The following INSC variants were observed in gnomAD, a reference collection of about 807,000 sequenced individuals.
INSC encodes the protein protein inscuteable homolog.
In INSC, 67 loss-of-function variants were observed where a neutral mutation model predicts 58.6. The observed-to-expected ratio is 1.14, with a 90% CI of 0.94 to 1.40. INSC has a LOEUF of 1.40. Ranked by LOEUF, INSC falls within the 40% of genes most tolerant of loss-of-function variation. The probability of loss-of-function intolerance (pLI) is 0.00; values close to 1 mark genes in which losing one functional copy is unlikely to be tolerated. For missense variants in INSC, 714 were observed against 692.0 expected (o/e 1.03, Z -0.36); for synonymous variants, 262 against 276.1 (o/e 0.95, Z 0.51).
At chr11:15,268,833 A>G in the INSC span, among the ~76,000 whole-genome samples, 32 of 152,200 alleles carry the variant, frequency 2.1e-4, no homozygotes, top group African/African-American at 6.7e-4. Context: ...GTGGTCATAA[A>G]GGCTGAAGTT....
chr11:15,215,940 G>A (rs1000707402), intron 7 of INSC, among the ~76,000 whole-genome samples: 2 of 152,114 alleles, frequency 1.3e-5, no homozygotes, highest in African/African-American at 4.8e-5. Flanking sequence ...AGTGAATTGG[G>A]GTTGAGGTGC....
At chr11:15,138,267 G>T (rs1475011140) in intron 1 of INSC, among the ~76,000 whole-genome samples, 1 of 152,194 alleles carries the variant, frequency 6.6e-6, no homozygotes, top group African/African-American at 2.4e-5. Context: ...GAAATATTAT[G>T]AGAAATTACT....
intron 1 of INSC, among the ~76,000 whole-genome samples, chr11:15,116,847 T>TTCTCTC (rs757143718): frequency 1.7e-5 from 1 of 57,816 alleles, no homozygotes; most frequent in Non-Finnish European, 3.1e-5. Flanking sequence ...CTTTCTTTCT[T>TTCTCTC]TCTCTCTCTC....
chr11:15,182,217 C>T (rs1194052611), intron 5 of INSC, among the ~76,000 whole-genome samples: 1 of 152,156 alleles, frequency 6.6e-6, no homozygotes, highest in Non-Finnish European at 1.5e-5. Context: ...GCCTACAGAA[C>T]TCCAGGAACT....
intron 2 of INSC, among the ~76,000 whole-genome samples, chr11:15,153,095 T>C (rs1415916771): frequency 6.6e-6 from 1 of 152,254 alleles, no homozygotes; most frequent in Non-Finnish European, 1.5e-5. Context: ...CTGCCTTGTA[T>C]GGTGCCGTGT....
chr11:15,211,842 G>A (rs1369784928), intron 7 of INSC, among the ~76,000 whole-genome samples: 2 of 151,540 alleles, frequency 1.3e-5, no homozygotes, highest in Admixed American at 6.6e-5. Flanking sequence ...ATACATGCAT[G>A]AGTCTGTTTC....
intron 1 of INSC, among the ~76,000 whole-genome samples, chr11:15,120,567 C>T (rs1847846114): frequency 6.6e-6 from 1 of 152,070 alleles, no homozygotes; most frequent in Non-Finnish European, 1.5e-5. Flanking sequence ...TGTTGCCTAA[C>T]GTGGTAAGTT....
chr11:15,144,402 G>A (rs1848444048), intron 1 of INSC, among the ~76,000 whole-genome samples: 1 of 152,186 alleles, frequency 6.6e-6, no homozygotes, highest in African/African-American at 2.4e-5. Context: ...AGCTCCAAAT[G>A]TAGAGATTCA....
chr11:15,122,845 C>T (rs2097164), intron 1 of INSC, among the ~76,000 whole-genome samples: 21,120 of 152,168 alleles, frequency 0.14, 1,924 homozygotes, highest in East Asian at 0.35. Context: ...GCAGCCAGAG[C>T]GCATTTCAAA....
intron 1 of INSC, among the ~76,000 whole-genome samples, chr11:15,136,196 TTAAG>T (rs1343024985): frequency 6.6e-6 from 1 of 152,210 alleles, no homozygotes; most frequent in Admixed American, 6.5e-5. Flanking sequence ...CTGTAGTATA[TTAAG>T]TGTGAAATAA....
rs185140234 is a variant in INSC at position 15,221,633 on chromosome 11, G to C, written c.976G>C (p.Val326Leu). Residue 326 changes from valine to leucine, a missense_variant, in exon 8 of 13, where the codon GTG (valine) becomes CTG (leucine). Transcript: ENST00000379556. ...SSFLESMEEI[V>L]TALVKLCQEA... ...CTTCCTGGAGAGCATGGAGGAGATCGTGACAGCCCTCGTCAGTGAGTCACC... is the reference window on the plus strand; with the variant it reads ...CTTCCTGGAGAGCATGGAGGAGATCCTGACAGCCCTCGTCAGTGAGTCACC... The C allele has an allele frequency of 1.2e-6, 2 of 1,612,040 alleles. No individual in the cohort carries two copies. Among genetic ancestry groups the C allele is most frequent in the Non-Finnish European group, 1.7e-6 (2 of 1,178,858 alleles).
chr11:15,182,647 G>A (rs898008557), intron 5 of INSC, among the ~76,000 whole-genome samples: 7 of 152,122 alleles, frequency 4.6e-5, no homozygotes, highest in Non-Finnish European at 8.8e-5. Flanking sequence ...TGCCACTCCA[G>A]CATGCATTGA....
At chr11:15,178,228 C>G in intron 4 of INSC, 96 bp from the exon 5 acceptor site, 1 of 1,515,460 alleles carries the variant, frequency 6.6e-7, no homozygotes, top group Non-Finnish European at 8.9e-7. Context: ...TCAGCACACA[C>G]CAGGCTTGTA....
At chr11:15,266,749 AG>A in the INSC span, among the ~76,000 whole-genome samples, 2 of 152,016 alleles carry the variant, frequency 1.3e-5, no homozygotes, top group African/African-American at 4.8e-5. Context: ...CTCTGAAGAA[AG>A]GTATATTTTT....
chr11:15,245,339 G>A (rs900386073), intron 12 of INSC, among the ~76,000 whole-genome samples: 3 of 152,074 alleles, frequency 2.0e-5, no homozygotes, highest in African/African-American at 7.2e-5. Context: ...TAGAGCATTG[G>A]GCTGAAGATT....
intron 9 of INSC, among the ~76,000 whole-genome samples, chr11:15,228,923 G>A (rs1777171871): frequency 3.3e-5 from 5 of 152,186 alleles, no homozygotes; most frequent in Admixed American, 1.3e-4. Flanking sequence ...AAGGTGGCAC[G>A]GGCTGCAGCT....
intron 9 of INSC, among the ~76,000 whole-genome samples, chr11:15,226,549 G>A (rs1367520224): frequency 6.6e-6 from 1 of 152,152 alleles, no homozygotes; most frequent in Non-Finnish European, 1.5e-5. Flanking sequence ...GAGTGGGGGT[G>A]GTAGATTAGG....
intron 1 of INSC, among the ~76,000 whole-genome samples, chr11:15,136,317 G>A (rs1357850546): frequency 6.6e-6 from 1 of 152,116 alleles, no homozygotes; most frequent in Non-Finnish European, 1.5e-5. Context: ...CTTTTTGCTG[G>A]TGGAGAGTCT....
intron 1 of INSC, among the ~76,000 whole-genome samples, chr11:15,134,855 A>G (rs78680680): frequency 6.6e-6 from 1 of 150,984 alleles, no homozygotes; most frequent in African/African-American, 2.5e-5. Flanking sequence ...TTATTTATTT[A>G]TTTTGCTTTG....
Sources: gnomAD v4.1 joint callset for allele counts (sites outside exome capture counted in the v4.1 genomes callset) on GRCh38, gnomAD v4.1.1 for gene constraint, MANE v1.5 for transcripts, NCBI Gene and HGNC (gene_info 2026-07-23, HGNC 2026-07-21) for gene names.